The following GADL1 variants were observed in gnomAD, a reference collection of about 807,000 sequenced individuals.
GADL1 encodes the protein GAD like acidic amino acid decarboxylase 1.
GADL1 carries 71 observed loss-of-function variants against 69.5 expected under a neutral mutation model. The observed-to-expected ratio is 1.02, with a 90% CI of 0.84 to 1.25. The LOEUF is 1.25. Ranked by LOEUF, GADL1 falls within the 50% of genes most tolerant of loss-of-function variation. The pLI, the probability that GADL1 is intolerant of heterozygous loss-of-function variation, is 0.00. For missense variants in GADL1, 737 were observed against 631.8 expected (o/e 1.17, Z -1.79); for synonymous variants, 254 against 214.4 (o/e 1.18, Z -1.62).
intron 11 of GADL1, among the ~76,000 whole-genome samples, chr3:30,807,560 T>C (rs1697275970): frequency 6.6e-6 from 1 of 152,190 alleles, no homozygotes; most frequent in Non-Finnish European, 1.5e-5. Flanking sequence ...TCTAAAGGTA[T>C]CACATAAAAT....
chr3:30,802,629 T>G (rs1025765935), intron 11 of GADL1, among the ~76,000 whole-genome samples: 6 of 152,226 alleles, frequency 3.9e-5, no homozygotes, highest in African/African-American at 1.4e-4. Context: ...ACATTTCAAA[T>G]GAAAGCATAA....
intron 1 of GADL1, among the ~76,000 whole-genome samples, chr3:30,891,032 T>TCTTCCTTCCTTCCTACCTTCCTTCCTTC (rs1698778436): frequency 6.7e-6 from 1 of 150,320 alleles, no homozygotes; most frequent in East Asian, 2.0e-4. Context: ...TACTTTGCAT[T>TCTTCCTTCCTTCCTACCTTCCTTCCTTC]CTTCCTTCCT....
At chr3:30,751,633 C>CT (rs541540889) in intron 14 of GADL1, among the ~76,000 whole-genome samples, 82 of 152,166 alleles carry the variant, frequency 5.4e-4, no homozygotes, top group African/African-American at 1.7e-3. Context: ...AACTGAAAGA[C>CT]TGAAACAGTT....
rs1698124463 is a variant in GADL1, at chr3:30,850,043, T to C, written c.604A>G (p.Lys202Glu). 2 of 1,612,106 alleles carry C rather than the reference T, an allele frequency of 1.2e-6. No individual in the cohort carries two copies. Among genetic ancestry groups the C allele is most frequent in the Non-Finnish European group, 1.7e-6 (2 of 1,178,428 alleles). Residue 202 changes from lysine (K) to glutamate (E), a missense_variant, in exon 6 of 15, where the codon AAG becomes GAG. Transcript: ENST00000282538. ...AATCTTGGCGAACCAGACAGCCCCT[T>C]TTCCTTAATATCAGGACAATATTTG... ...RYKYCPDIKE[K>E]GLSGSPRLIL...
At chr3:30,740,601 C>G (rs188101523) in intron 14 of GADL1, among the ~76,000 whole-genome samples, 4 of 152,208 alleles carry the variant, frequency 2.6e-5, no homozygotes, top group African/African-American at 9.6e-5. Context: ...CACCTTCCCC[C>G]CAAAGGTCTC....
intron 11 of GADL1, among the ~76,000 whole-genome samples, chr3:30,817,403 C>A (rs374347786): frequency 6.6e-6 from 1 of 152,162 alleles, no homozygotes; most frequent in Non-Finnish European, 1.5e-5. Context: ...TCCTCAATCA[C>A]AAGCTTTTTA....
At chr3:30,883,140 G>T (rs895107668) in intron 1 of GADL1, among the ~76,000 whole-genome samples, 4 of 151,988 alleles carry the variant, frequency 2.6e-5, no homozygotes, top group East Asian at 1.9e-4. Context: ...GTGCACAAAA[G>T]GTTTTACGTG....
intron 9 of GADL1, among the ~76,000 whole-genome samples, chr3:30,838,320 G>A (rs970577593): frequency 2.6e-5 from 4 of 152,184 alleles, no homozygotes; most frequent in South Asian, 2.1e-4. Flanking sequence ...ATTCTAACCC[G>A]GGATAAGTAG....
chr3:30,784,965 T>A (rs1364518738), intron 13 of GADL1, among the ~76,000 whole-genome samples: 1 of 152,146 alleles, frequency 6.6e-6, no homozygotes, highest in African/African-American at 2.4e-5. Flanking sequence ...TTGCAGTTGT[T>A]TACCAATTCT....
At chr3:30,745,900 C>T (rs1393861209) in intron 14 of GADL1, among the ~76,000 whole-genome samples, 1 of 151,874 alleles carries the variant, frequency 6.6e-6, no homozygotes, top group Non-Finnish European at 1.5e-5. Context: ...AATTCTCTTC[C>T]CTTATTCTTT....
chr3:30,858,924 TAA>T (rs1183845663), intron 2 of GADL1, among the ~76,000 whole-genome samples: 3 of 151,804 alleles, frequency 2.0e-5, no homozygotes, highest in South Asian at 2.1e-4. Context: ...GGGAGAATCC[TAA>T]GAGTTTAGTG....
In GADL1 at chr3:30,841,898, T is replaced by C. The variant is rs1217300970; in HGVS notation, c.786+2312A>G. 2.0e-5 allele frequency among the ~76,000 whole-genome samples: 3 copies of C among 152,144 alleles called. No individual in the cohort carries two copies. The East Asian group carries it at 5.8e-4, about 29-fold the overall frequency. On this transcript the variant is annotated intron_variant, in intron 8 of 14. Transcript: ENST00000282538. ...AAAGAAAAATACAACTTAAATCTCA[T>C]TGAGTCTCAAGATCTAACTGCCAAA...
intron 12 of GADL1, among the ~76,000 whole-genome samples, chr3:30,793,416 GA>G (rs570188033): frequency 4.0e-5 from 6 of 151,680 alleles, no homozygotes; most frequent in East Asian, 1.9e-4. Flanking sequence ...GTGCAAGCCG[GA>G]AAAAAAGTAC....
chr3:30,813,240 T>C (rs1697394719), intron 11 of GADL1, among the ~76,000 whole-genome samples: 1 of 152,208 alleles, frequency 6.6e-6, no homozygotes, highest in Non-Finnish European at 1.5e-5. Flanking sequence ...AGGATAATAA[T>C]ATTGCACTGC....
rs555404370 is a variant in GADL1, at chr3:30,873,488, C to A, written c.38-11723G>T. Among the ~76,000 whole-genome samples the A allele has an allele frequency of 2.6e-5, 4 of 151,618 alleles. No individual in the cohort carries two copies. In the East Asian group the frequency reaches 7.8e-4, roughly 30 times the overall value. The stretch of plus-strand genomic sequence containing the variant: ...AATAATTACCATATTCTCCTTTTTT[C>A]CAAAAAAGGCAAGGAAGAACATATT... On this transcript the variant is annotated intron_variant, in intron 1 of 14. Transcript: ENST00000282538.
chr3:30,781,753 T>C (rs1696669954), intron 13 of GADL1, among the ~76,000 whole-genome samples: 1 of 152,168 alleles, frequency 6.6e-6, no homozygotes, highest in Non-Finnish European at 1.5e-5. Flanking sequence ...GTTGGTTTGA[T>C]GATTAAAGAG....
At chr3:30,740,885 T>C (rs1695606086) in intron 14 of GADL1, among the ~76,000 whole-genome samples, 1 of 143,562 alleles carries the variant, frequency 7.0e-6, no homozygotes, top group Admixed American at 7.0e-5. Flanking sequence ...AATTTTTATA[T>C]TTATACAAAC....
intron 14 of GADL1, among the ~76,000 whole-genome samples, chr3:30,754,883 T>G (rs981323889): frequency 1.1e-4 from 16 of 148,944 alleles, no homozygotes; most frequent in Admixed American, 2.0e-4. Flanking sequence ...AAGTCTCATG[T>G]GCTTGGGTAG....
intron 11 of GADL1, among the ~76,000 whole-genome samples, chr3:30,828,579 T>C (rs907957912): frequency 6.6e-6 from 1 of 151,770 alleles, no homozygotes; most frequent in African/African-American, 2.4e-5. Context: ...CCCTCACATT[T>C]AAAACCTAGG....
Sources: allele counts gnomAD v4.1 joint callset (sites outside exome capture counted in the v4.1 genomes callset), GRCh38; gene constraint gnomAD v4.1.1; transcripts MANE v1.5; gene names NCBI Gene and HGNC (gene_info 2026-07-23, HGNC 2026-07-21).